GYS2: variants seen among roughly 807,000 people sequenced by gnomAD.
GYS2 encodes glycogen synthase 2, also known as glycogen [starch] synthase, liver.
In GYS2, 80 loss-of-function variants were observed where a neutral mutation model predicts 85.6. The ratio of observed to expected loss-of-function variants is 0.93; its 90% CI spans 0.78 to 1.13. GYS2 has a LOEUF of 1.13. Among genes scored for constraint, GYS2 ranks in the 50% most tolerant of loss-of-function variants. The pLI, the probability that GYS2 is intolerant of heterozygous loss-of-function variation, is 0.00. For synonymous variants in GYS2, 328 were observed against 300.7 expected (o/e 1.09, Z -0.94); for missense variants, 881 against 854.9 (o/e 1.03, Z -0.38).
chr12:21,596,724 A>C (rs1466312645), intron 1 of GYS2, among the ~76,000 whole-genome samples: 1 of 152,178 alleles, frequency 6.6e-6, no homozygotes, highest in Non-Finnish European at 1.5e-5. Flanking sequence ...ACTCCTCTTC[A>C]ACATAGTACT....
At chr12:21,558,893 C>CATGAGAT (rs1243077827) in intron 10 of GYS2, among the ~76,000 whole-genome samples, 198 bp downstream of exon 10, 1 of 152,028 alleles carries the variant, frequency 6.6e-6, no homozygotes, top group Non-Finnish European at 1.5e-5. Context: ...GGACAAGTTT[C>CATGAGAT]ATGAGATGTT....
chr12:21,567,936 G>A (rs1196580444), intron 5 of GYS2, among the ~76,000 whole-genome samples: 2 of 152,032 alleles, frequency 1.3e-5, no homozygotes, highest in Admixed American at 1.3e-4. Flanking sequence ...AGCTGGGCGT[G>A]GTGGCAGGTG....
At chr12:21,578,293 T>C (rs1944468926) in intron 2 of GYS2, among the ~76,000 whole-genome samples, 1 of 152,206 alleles carries the variant, frequency 6.6e-6, no homozygotes, top group Non-Finnish European at 1.5e-5. Flanking sequence ...TCCTTCCTTT[T>C]CTATCTATTC....
At chr12:21,569,820 G>A (rs145894746) in intron 4 of GYS2, among the ~76,000 whole-genome samples, 9 of 152,230 alleles carry the variant, frequency 5.9e-5, no homozygotes, top group East Asian at 3.9e-4. Flanking sequence ...ACTCCACTAC[G>A]CACAATAACA....
intron 5 of GYS2, among the ~76,000 whole-genome samples, chr12:21,564,984 C>T (rs1366702204): frequency 1.3e-5 from 2 of 152,012 alleles, no homozygotes; most frequent in African/African-American, 4.8e-5. Context: ...CTGTACCATA[C>T]AAAAGCTATA....
In GYS2 at chr12:21,536,562, G is replaced by C. The variant is rs116576673; in HGVS notation, c.*392C>G. The C allele has an allele frequency of 4.4e-6, 1 of 228,180 alleles. No individual in the cohort carries two copies. Among genetic ancestry groups the C allele is most frequent in the African/African-American group, 2.3e-5 (1 of 42,792 alleles). 14.1% of individuals were successfully genotyped at this position (228,180 alleles called of 1,614,324 possible). A position where few individuals can be genotyped will look rare whatever the true frequency, so the allele number is the denominator to read the frequency against. ...ATTCATGGGTAAGATCAAGGTTTTCGGGGGGGAAATGGGAAATTTGTGTGG... is the reference window on the plus strand; with the variant it reads ...ATTCATGGGTAAGATCAAGGTTTTCCGGGGGGAAATGGGAAATTTGTGTGG... On this transcript the variant is annotated 3_prime_UTR_variant, in exon 16 of 16. Transcript: ENST00000261195.
chr12:21,563,297 T>C lies in GYS2; in HGVS notation c.872A>G (p.His291Arg), dbSNP rs1451839097. 3.7e-6 allele frequency: 6 copies of C among 1,612,568 alleles called. No homozygotes were observed. Among genetic ancestry groups the C allele is most frequent in the Non-Finnish European group, 2.5e-6 (3 of 1,178,652 alleles). The change falls in exon 6 of 16, where the codon CAT becomes CGT. Residue 291 changes from histidine (H) to arginine (R), a missense_variant. By Grantham distance (29) the His-to-Arg change is conservative (BLOSUM62 0). Transcript: ENST00000261195. ...GLNVKKFSAV[H>R]EFQNLHAMYK... ...CATGGCATGTAGATTTTGAAACTCA[T>C]GCACTGCTGAAAATTTCTTAACATT...
In GYS2 at chr12:21,553,539, T is replaced by C. The variant is rs374319851; in HGVS notation, c.1422+4661A>G. 1.2e-4 allele frequency among the ~76,000 whole-genome samples: 19 copies of C among 152,336 alleles called. No homozygotes were observed. The East Asian group carries it at 1.7e-3, about 14-fold the overall frequency. ...ACTGGTACCAGTGTGAAGTCATTTC[T>C]GCCCAACAGGTGCCTTTAATGGGCA... On this transcript the variant is annotated intron_variant, in intron 11 of 15. Coordinates refer to ENST00000261195, the MANE Select transcript of GYS2 (RefSeq NM_021957.4).
At chr12:21,543,271 C>G (rs183524541) in intron 12 of GYS2, among the ~76,000 whole-genome samples, 6 of 152,194 alleles carry the variant, frequency 3.9e-5, no homozygotes, top group Non-Finnish European at 7.3e-5. Context: ...AAAAAAAGAT[C>G]TTCCCATTAC....
rs1244682013 is a variant in GYS2 at position 21,546,368 on chromosome 12, A to G, written c.1525T>C (p.Tyr509His). 2 of 1,603,598 alleles carry G rather than the reference A, an allele frequency of 1.2e-6. No individual in the cohort carries two copies. The highest frequency in any genetic ancestry group is 1.7e-6 in the Non-Finnish European group (2 of 1,170,846). ...GCHLGVFPSY[Y>H]EPWGYTPAEC... ...CCTGGAGTATAACCCCAGGGTTCAT[A>G]GTATGATGGAAATACTCCAAGATGA... The change falls in exon 12 of 16, where the codon TAT (tyrosine) becomes CAT (histidine). Residue 509 changes from tyrosine (Y) to histidine (H), a missense_variant. By Grantham distance (83) the Tyr-to-His change is moderately conservative. Coordinates refer to ENST00000261195, the MANE Select transcript of GYS2 (RefSeq NM_021957.4).
chr12:21,560,542 A>C (rs1382329616), intron 7 of GYS2, 50 bp from the exon 8 acceptor site: 3 of 871,192 alleles, frequency 3.4e-6, no homozygotes, highest in Non-Finnish European at 6.0e-6. Context: ...ATTTTTAAAA[A>C]GTATGATAGA....
intron 11 of GYS2, among the ~76,000 whole-genome samples, chr12:21,546,787 A>C (rs76312780): frequency 6.2e-4 from 94 of 152,288 alleles, no homozygotes; most frequent in African/African-American, 2.0e-3. Flanking sequence ...TTGACATGCA[A>C]TAAACCTTAT....
chr12:21,566,717 A>G (rs1171413445), intron 5 of GYS2, among the ~76,000 whole-genome samples: 3 of 152,280 alleles, frequency 2.0e-5, no homozygotes, highest in Non-Finnish European at 4.4e-5. Context: ...AAGAGAAAGG[A>G]TTATCCACAT....
chr12:21,579,676 T>C (rs1944486757), intron 2 of GYS2, among the ~76,000 whole-genome samples: 1 of 152,150 alleles, frequency 6.6e-6, no homozygotes, highest in South Asian at 2.1e-4. Flanking sequence ...TTCTTACTTC[T>C]ATAGGCCACC....
Position 21,537,093 on chromosome 12 carries a change from T to A in GYS2, c.1973A>T (p.Asp658Val), listed in dbSNP as rs1461271512. ...CTCATCCTCCACTTCATCTTCCACA[T>A]CACTGCTCTGAGGACTGGAGGCCTG... ...GSQASSPQSS[D>V]VEDEVEDERY... Residue 658 changes from aspartate to valine, a missense_variant, in exon 16 of 16, where the codon GAT (aspartate) becomes GTT (valine). By Grantham distance (152) the Asp-to-Val change is radical. Coordinates refer to ENST00000261195, the MANE Select transcript of GYS2 (RefSeq NM_021957.4). The A allele has an allele frequency of 6.2e-7, 1 of 1,613,700 alleles. No homozygotes were observed. Among genetic ancestry groups the A allele is most frequent in the African/African-American group, 1.3e-5 (1 of 74,904 alleles).
At chr12:21,601,475 C>T (rs976185817) in intron 1 of GYS2, among the ~76,000 whole-genome samples, 6 of 152,168 alleles carry the variant, frequency 3.9e-5, no homozygotes, top group East Asian at 1.9e-4. Flanking sequence ...CTCTGAGCCC[C>T]GCTCAGATCT....
At chr12:21,571,692 G>A (rs1179932243) in intron 4 of GYS2, among the ~76,000 whole-genome samples, 3 of 152,190 alleles carry the variant, frequency 2.0e-5, no homozygotes, top group African/African-American at 7.2e-5. Flanking sequence ...GCCGGGAGTG[G>A]TGGCTCACGC....
intron 1 of GYS2, among the ~76,000 whole-genome samples, chr12:21,581,850 A>G (rs906490776): frequency 6.6e-6 from 1 of 152,190 alleles, no homozygotes; most frequent in Non-Finnish European, 1.5e-5. Flanking sequence ...AGGCTCAATT[A>G]GCTCATGTGT....
At chr12:21,569,113 A>G (rs1944357123) in intron 4 of GYS2, 104 bp from the exon 5 acceptor site, 2 of 1,160,762 alleles carry the variant, frequency 1.7e-6, no homozygotes, top group Admixed American at 1.7e-5. Flanking sequence ...AAGGCTGTGT[A>G]AAAATTTATG....
Sources: gnomAD v4.1 joint callset for allele counts (sites outside exome capture counted in the v4.1 genomes callset) on GRCh38, gnomAD v4.1.1 for gene constraint, MANE v1.5 for transcripts, NCBI Gene and HGNC (gene_info 2026-07-23, HGNC 2026-07-21) for gene names.